The following SNTB2 variants were observed in gnomAD, a reference collection of about 807,000 sequenced individuals.
SNTB2 encodes the protein beta-2-syntrophin.
Under a neutral mutation model 46.2 loss-of-function variants are expected in SNTB2, and 34 were observed. That is an observed-to-expected ratio of 0.74 (90% CI 0.56 to 0.98). The LOEUF is 0.98. SNTB2 is among the 50% of genes least tolerant of loss of function. SNTB2 has a pLI of 0.00. For missense variants in SNTB2, 603 were observed against 731.4 expected (o/e 0.82, Z 2.02); for synonymous variants, 290 against 312.6 (o/e 0.93, Z 0.76).
chr16:69,220,255 A>G (rs1964388979), intron 1 of SNTB2, among the ~76,000 whole-genome samples: 1 of 133,678 alleles, frequency 7.5e-6, no homozygotes, highest in East Asian at 2.2e-4. Context: ...TCCATCTCCC[A>G]GATTCACGCC....
chr16:69,228,352 A>C (rs1449707319), intron 1 of SNTB2, among the ~76,000 whole-genome samples: 1 of 151,834 alleles, frequency 6.6e-6, no homozygotes, highest in Non-Finnish European at 1.5e-5. Context: ...CTAAAAATAC[A>C]AAAATTAGCC....
intron 1 of SNTB2, among the ~76,000 whole-genome samples, chr16:69,227,841 AT>A (rs60387965): frequency 0.35 from 40,372 of 115,132 alleles, 7,458 homozygotes; most frequent in East Asian, 0.47. Flanking sequence ...GTTTCTCTGG[AT>A]TTTTTTTTTT....
chr16:69,308,017 A>G lies in SNTB2; in HGVS notation c.*7093A>G, dbSNP rs963363948. 2 of 152,370 alleles carry G rather than the reference A, an allele frequency of 1.3e-5. No homozygotes were observed. Among genetic ancestry groups the G allele is most frequent in the Non-Finnish European group, 2.9e-5 (2 of 68,044 alleles). 9.4% of individuals were successfully genotyped at this position (152,370 alleles called of 1,614,324 possible). On this transcript the variant is annotated 3_prime_UTR_variant, in exon 7 of 7. Transcript: ENST00000336278. ...CAGGCAACATCCTTGGTCATTGCCC[A>G]GAAAGTACCTGAGCTATCAGTGATT...
At position 69,187,389 on chromosome 16, in the gene SNTB2, A is replaced by T. The variant is rs1963999673; in HGVS notation, c.223A>T (p.Asn75Tyr). 7.7e-7 allele frequency: 1 copy of T among 1,303,360 alleles called. No homozygotes were observed. Among genetic ancestry groups the T allele is most frequent in the African/African-American group, 1.6e-5 (1 of 64,138 alleles). 80.7% of individuals were successfully genotyped at this position (1,303,360 alleles called of 1,614,324 possible). ...PAAAAFNGLPNGGGAGDSLPG... is the reference protein window; with the variant it reads ...PAAAAFNGLPYGGGAGDSLPG... ...GGCCGCCGCCTTCAACGGCCTCCCA[A>T]ACGGCGGCGGCGCGGGCGACTCGCT... Residue 75 changes from asparagine to tyrosine, a missense_variant, in exon 1 of 7, where the codon AAC becomes TAC. Around this residue, in one of 2 missense-constraint regions of SNTB2, gnomAD observed 537 missense variants for 692.4 expected, o/e 0.78. Coordinates refer to ENST00000336278, the MANE Select transcript of SNTB2 (RefSeq NM_006750.4).
At chr16:69,188,864 ATAGT>A (rs1964020841) in intron 1 of SNTB2, among the ~76,000 whole-genome samples, 1 of 152,190 alleles carries the variant, frequency 6.6e-6, no homozygotes, top group Admixed American at 6.5e-5. Context: ...AAGTTAGAAA[ATAGT>A]TAGTGGAGAT....
At chr16:69,231,363 C>G (rs1228005238) in intron 1 of SNTB2, among the ~76,000 whole-genome samples, 1 of 151,666 alleles carries the variant, frequency 6.6e-6, no homozygotes, top group South Asian at 2.1e-4. Context: ...CTGAGGCAGG[C>G]GGATCATCTG....
intron 3 of SNTB2, among the ~76,000 whole-genome samples, chr16:69,264,961 AT>A (rs2143103477): frequency 6.6e-6 from 1 of 152,332 alleles, no homozygotes; most frequent in East Asian, 1.9e-4. Flanking sequence ...TTAAAATTAC[AT>A]CTATTGGCCG....
intron 1 of SNTB2, among the ~76,000 whole-genome samples, chr16:69,203,872 T>C (rs528693707): frequency 4.0e-5 from 6 of 151,836 alleles, no homozygotes; most frequent in Non-Finnish European, 8.8e-5. Flanking sequence ...GGTTCAAGCG[T>C]TCTCCTGCCT....
chr16:69,279,505 G>A (rs1965016322), intron 4 of SNTB2, among the ~76,000 whole-genome samples: 1 of 127,944 alleles, frequency 7.8e-6, no homozygotes. Flanking sequence ...CAAGAAGTGG[G>A]TCCTTTGCCC....
chr16:69,231,145 C>CT (rs1964502674), intron 1 of SNTB2: 1 of 152,178 alleles, frequency 6.6e-6, no homozygotes, highest in Non-Finnish European at 1.5e-5. Flanking sequence ...AGAGTCTAAA[C>CT]TTTTTTACTG....
chr16:69,212,491 ACCAGGC>A (rs1488927499), intron 1 of SNTB2, among the ~76,000 whole-genome samples: 6 of 151,834 alleles, frequency 4.0e-5, no homozygotes, highest in Non-Finnish European at 5.9e-5. Flanking sequence ...GGCGTGTACC[ACCAGGC>A]CCAGCTGATT....
chr16:69,262,779 C>T (rs1350728707), intron 3 of SNTB2, among the ~76,000 whole-genome samples: 3 of 151,992 alleles, frequency 2.0e-5, no homozygotes, highest in African/African-American at 4.8e-5. Flanking sequence ...CAAGTTCAAG[C>T]GATTCCCCTG....
At chr16:69,212,706 C>G (rs2152292307) in intron 1 of SNTB2, among the ~76,000 whole-genome samples, 1 of 151,678 alleles carries the variant, frequency 6.6e-6, no homozygotes, top group Middle Eastern at 3.4e-3. Flanking sequence ...ACGATCTTGG[C>G]TCACCGCAAC....
intron 4 of SNTB2, among the ~76,000 whole-genome samples, chr16:69,278,889 AGTGTGTGT>A (rs71148981): frequency 0.018 from 2,564 of 140,970 alleles, 45 homozygotes; most frequent in African/African-American, 0.043. Context: ...AGGTGGGAAG[AGTGTGTGT>A]GTGTGTGTGT....
intron 4 of SNTB2, among the ~76,000 whole-genome samples, chr16:69,276,358 C>T (rs1287249897): frequency 6.6e-6 from 1 of 152,210 alleles, no homozygotes; most frequent in Non-Finnish European, 1.5e-5. Flanking sequence ...CCCAACCAAC[C>T]GCTGCTCAGC....
intron 1 of SNTB2, among the ~76,000 whole-genome samples, chr16:69,191,878 T>C (rs1007936098): frequency 2.6e-5 from 4 of 152,108 alleles, no homozygotes; most frequent in Admixed American, 6.6e-5. Flanking sequence ...CCTGACCTCG[T>C]GATCTGCCTG....
At chr16:69,276,080 G>A (rs1964982739) in intron 4 of SNTB2, among the ~76,000 whole-genome samples, 1 of 152,042 alleles carries the variant, frequency 6.6e-6, no homozygotes, top group Non-Finnish European at 1.5e-5. Context: ...CATTTCTTGA[G>A]ATTAAAGCCA....
chr16:69,219,291 T>G, intron 1 of SNTB2, among the ~76,000 whole-genome samples: 1 of 152,174 alleles, frequency 6.6e-6, no homozygotes, highest in East Asian at 1.9e-4. Flanking sequence ...ATCAGGACCA[T>G]CAAGGGCCAT....
chr16:69,220,451 C>T (rs936819466), intron 1 of SNTB2, among the ~76,000 whole-genome samples: 1 of 151,880 alleles, frequency 6.6e-6, no homozygotes. Context: ...TGAGCCACTG[C>T]GCCTGGCCAA....
Sources: gnomAD v4.1 joint callset for allele counts (sites outside exome capture counted in the v4.1 genomes callset) on GRCh38, gnomAD v4.1.1 for gene constraint, gnomAD v4.1.1 regional missense constraint, MANE v1.5 for transcripts, NCBI Gene and HGNC (gene_info 2026-07-23, HGNC 2026-07-21) for gene names.